The following TSNARE1 variants were observed in gnomAD, a reference collection of about 807,000 sequenced individuals.
The protein encoded by TSNARE1 is t-SNARE domain-containing protein 1.
Under a neutral mutation model 62.0 loss-of-function variants are expected in TSNARE1, and 49 were observed. That is an observed-to-expected ratio of 0.79 (90% confidence interval 0.63 to 1.00). The LOEUF (loss-of-function observed/expected upper bound fraction) is 1.00, where lower values mean the gene tolerates loss of function less well. Ranked by LOEUF, TSNARE1 falls within the 50% of genes least tolerant of loss-of-function variation. TSNARE1 has a pLI of 0.00. For synonymous variants in TSNARE1, 328 were observed against 294.4 expected (o/e 1.11, Z -1.17); for missense variants, 755 against 700.1 (o/e 1.08, Z -0.88).
At chr8:142,293,767 G>A (rs1423486985) in intron 10 of TSNARE1, among the ~76,000 whole-genome samples, 1 of 152,176 alleles carries the variant, frequency 6.6e-6, no homozygotes, top group Non-Finnish European at 1.5e-5. Flanking sequence ...GTGTTCAGAC[G>A]CCACCTGTTG....
intron 13 of TSNARE1, among the ~76,000 whole-genome samples, chr8:142,213,510 T>C (rs576531342): frequency 4.1e-4 from 62 of 152,086 alleles, no homozygotes; most frequent in Admixed American, 1.1e-3. Flanking sequence ...AAAACCCCTA[T>C]AAAAGTCCAA....
intron 12 of TSNARE1, among the ~76,000 whole-genome samples, chr8:142,257,164 C>G (rs1818626483): frequency 6.6e-6 from 1 of 152,230 alleles, no homozygotes; most frequent in African/African-American, 2.4e-5. Flanking sequence ...TCTCCACTTT[C>G]AGCACAGTGC....
intron 1 of TSNARE1, among the ~76,000 whole-genome samples, chr8:142,367,140 T>C (rs567950984): frequency 2.6e-4 from 39 of 152,290 alleles, no homozygotes; most frequent in African/African-American, 8.9e-4. Context: ...CAGAAAGCTA[T>C]CCCTTGTTCT....
At position 142,347,948 on chromosome 8, in the gene TSNARE1, G is replaced by A. The variant is rs116287170; in HGVS notation, c.89-2056C>T. ...TCCAGGTCCTGCCCACTGCACCAAC[G>A]TTATTCCACGCTGCTCCCCACGCCC... is the stretch of plus-strand genomic sequence containing the variant. On this transcript the variant is annotated intron_variant, in intron 2 of 13. Coordinates refer to ENST00000524325, the MANE Select transcript of TSNARE1 (RefSeq NM_145003.5). Among the ~76,000 whole-genome samples the A allele has an allele frequency of 2.4e-3, 364 of 151,218 alleles. 3 individuals carry two copies. The highest frequency in any genetic ancestry group is 8.5e-3 in the African/African-American group (344 of 40,556).
chr8:142,308,985 T>A (rs1563881066), intron 9 of TSNARE1, among the ~76,000 whole-genome samples: 1 of 152,212 alleles, frequency 6.6e-6, no homozygotes, highest in Admixed American at 6.5e-5. Context: ...CTTAGTAATG[T>A]GGCATGTTTT....
chr8:142,273,653 G>C (rs13254630), intron 12 of TSNARE1: 1 of 985,200 alleles, frequency 1.0e-6, no homozygotes, highest in Non-Finnish European at 1.2e-6. Flanking sequence ...GACAGAAATG[G>C]GGAGGCCCAA....
chr8:142,281,857 C>T (rs1821534208), intron 11 of TSNARE1, among the ~76,000 whole-genome samples: 1 of 152,122 alleles, frequency 6.6e-6, no homozygotes, highest in Non-Finnish European at 1.5e-5. Flanking sequence ...CCTCCAGCCT[C>T]CCTGGCTCCA....
intron 9 of TSNARE1, among the ~76,000 whole-genome samples, chr8:142,312,715 G>A (rs1029214329): frequency 6.6e-6 from 1 of 151,666 alleles, no homozygotes; most frequent in Non-Finnish European, 1.5e-5. Flanking sequence ...CTGCCTCAAG[G>A]GGAAAACGGA....
chr8:142,268,035 G>A (rs543649993), intron 12 of TSNARE1, among the ~76,000 whole-genome samples: 3 of 152,174 alleles, frequency 2.0e-5, no homozygotes, highest in Non-Finnish European at 4.4e-5. Context: ...CCAAGAGAAG[G>A]GGTTTCCAGG....
At chr8:142,237,692 G>A (rs116226617) in intron 12 of TSNARE1, among the ~76,000 whole-genome samples, 192 of 152,282 alleles carry the variant, frequency 1.3e-3, no homozygotes, top group African/African-American at 4.5e-3. Flanking sequence ...GAGCTCGGAC[G>A]GGCCATGCTT....
chr8:142,245,423 T>C (rs200730674), intron 12 of TSNARE1, among the ~76,000 whole-genome samples: 1 of 152,186 alleles, frequency 6.6e-6, no homozygotes, highest in Admixed American at 6.5e-5. Context: ...TACGCATCCA[T>C]TGAGAGGAGA....
At chr8:142,324,885 G>A (rs189290368) in intron 6 of TSNARE1, among the ~76,000 whole-genome samples, 54 of 152,362 alleles carry the variant, frequency 3.5e-4, no homozygotes, top group Non-Finnish European at 4.6e-4. Context: ...TGACTGCGAC[G>A]CCCCTGCCGG....
At chr8:142,351,071 CCA>C (rs2130654394) in intron 2 of TSNARE1, among the ~76,000 whole-genome samples, 1 of 152,244 alleles carries the variant, frequency 6.6e-6, no homozygotes, top group Admixed American at 6.5e-5. Context: ...TGAAATATTA[CCA>C]GATGAGATGA....
intron 7 of TSNARE1, among the ~76,000 whole-genome samples, 171 bp downstream of exon 7, chr8:142,318,373 C>T (rs1245363920): frequency 3.3e-5 from 5 of 152,208 alleles, no homozygotes; most frequent in African/African-American, 1.2e-4. Context: ...TGAATGGCTG[C>T]ACACAGGTTC....
intron 10 of TSNARE1, among the ~76,000 whole-genome samples, chr8:142,285,461 A>T (rs1184329405): frequency 4.1e-5 from 4 of 98,764 alleles, no homozygotes; most frequent in African/African-American, 1.6e-4. Flanking sequence ...GGGTAGGTGG[A>T]TGGATGGGTG....
In TSNARE1 at chr8:142,343,973, C is replaced by T. The variant is rs757633281; in HGVS notation, c.738G>A (p.Pro246=). The change falls in exon 4 of 14, where the codon CCG becomes CCA. Residue 246 remains proline, a synonymous_variant. Coordinates refer to ENST00000524325, the MANE Select transcript of TSNARE1 (RefSeq NM_145003.5). ...GCTGAGCAAGGAACTCACCTCTGGG[C>T]GGCTCCAGACTGAAGCCCTCGGAGG... The part of the protein sequence containing the change: ...ALPSEGFSLE[P]PRATQVDPCN... 12 of 1,525,168 alleles carry T rather than the reference C, an allele frequency of 7.9e-6. No homozygotes were observed. Among genetic ancestry groups the T allele is most frequent in the Admixed American group, 4.2e-5 (2 of 47,768 alleles). 94.5% of individuals were successfully genotyped at this position (1,525,168 alleles called of 1,614,324 possible).
intron 1 of TSNARE1, among the ~76,000 whole-genome samples, chr8:142,364,478 A>G (rs1023734275): frequency 6.6e-6 from 1 of 152,196 alleles, no homozygotes; most frequent in Non-Finnish European, 1.5e-5. Flanking sequence ...GTCCACTGAG[A>G]GGGCTGAGAC....
At chr8:142,357,080 G>A (rs773166674) in intron 1 of TSNARE1, among the ~76,000 whole-genome samples, 6 of 152,162 alleles carry the variant, frequency 3.9e-5, no homozygotes, top group Non-Finnish European at 7.3e-5. Flanking sequence ...CAGAGTCAGA[G>A]GAAACCACCA....
intron 6 of TSNARE1, among the ~76,000 whole-genome samples, chr8:142,325,630 G>T (rs564441584): frequency 6.6e-6 from 1 of 152,146 alleles, no homozygotes; most frequent in African/African-American, 2.4e-5. Context: ...GAGACCCCAG[G>T]TCAGTCCAGA....
Sources: gnomAD v4.1 joint callset for allele counts (sites outside exome capture counted in the v4.1 genomes callset) on GRCh38, gnomAD v4.1.1 for gene constraint, MANE v1.5 for transcripts, NCBI Gene and HGNC (gene_info 2026-07-23, HGNC 2026-07-21) for gene names.